The following NPAS3 variants were observed in gnomAD, a reference collection of about 807,000 sequenced individuals.
NPAS3 encodes the protein neuronal PAS domain protein 3.
A neutral mutation model predicts 73.1 loss-of-function variants in NPAS3; 14 were observed. The observed-to-expected ratio is 0.19, with a 90% CI of 0.13 to 0.30. The LOEUF (loss-of-function observed/expected upper bound fraction) is 0.30, where lower values mean the gene tolerates loss of function less well. NPAS3 is among the 10% of genes least tolerant of loss of function. The pLI is 1.00. For missense variants in NPAS3, 1,096 were observed against 1,250.0 expected (o/e 0.88, Z 1.86); for synonymous variants, 620 against 541.5 (o/e 1.14, Z -2.01).
intron 5 of NPAS3, among the ~76,000 whole-genome samples, chr14:33,665,859 G>A (rs1420911549): frequency 1.3e-5 from 2 of 149,012 alleles, no homozygotes; most frequent in Non-Finnish European, 3.0e-5. Context: ...CACCTACTGG[G>A]AAAAAAAAAA....
chr14:33,230,138 G>C (rs2047792802), intron 3 of NPAS3, among the ~76,000 whole-genome samples: 1 of 152,182 alleles, frequency 6.6e-6, no homozygotes, highest in Non-Finnish European at 1.5e-5. Flanking sequence ...TCAGCATTTT[G>C]AGGAAATAAA....
Position 33,541,099 on chromosome 14 carries a change from GTGT to G in NPAS3, c.469-19021_469-19019del, listed in dbSNP as rs1566985325. ...CTATTGTTGGGGTATGTTTAGAGGTGTGTGTGTGTGTGTGTGTGTGTGTGTGTG... is the reference window on the plus strand; with the variant it reads ...CTATTGTTGGGGTATGTTTAGAGGTGGTGTGTGTGTGTGTGTGTGTGTGTG... On this transcript the variant is annotated intron_variant, in intron 4 of 11. Transcript: ENST00000356141. Among the ~76,000 whole-genome samples the G allele has an allele frequency of 9.4e-3, 1,403 of 148,604 alleles. 21 individuals carry two copies. The highest frequency in any genetic ancestry group is 0.032 in the African/African-American group (1,318 of 40,782).
chr14:33,351,382 C>G (rs530763586), intron 3 of NPAS3, among the ~76,000 whole-genome samples: 1 of 152,260 alleles, frequency 6.6e-6, no homozygotes, highest in Admixed American at 6.5e-5. Flanking sequence ...TACTCTGTAT[C>G]CTCCTTGGAA....
intron 6 of NPAS3, among the ~76,000 whole-genome samples, chr14:33,708,451 T>C (rs752497302): frequency 2.0e-5 from 3 of 152,128 alleles, no homozygotes; most frequent in Non-Finnish European, 4.4e-5. Flanking sequence ...GGGCAAGTGT[T>C]AAAATTATGT....
intron 7 of NPAS3, among the ~76,000 whole-genome samples, chr14:33,738,054 T>C (rs1002138255): frequency 1.2e-4 from 19 of 152,316 alleles, no homozygotes; most frequent in African/African-American, 4.6e-4. Context: ...AAAGTACCAC[T>C]TACTGAACAT....
At chr14:33,349,856 C>G (rs538563726) in intron 3 of NPAS3, among the ~76,000 whole-genome samples, 146 of 152,286 alleles carry the variant, frequency 9.6e-4, no homozygotes, top group African/African-American at 3.3e-3. Context: ...CCTTTATATC[C>G]TTTTGTACAG....
At chr14:32,975,053 A>C (rs1197997137) in intron 1 of NPAS3, among the ~76,000 whole-genome samples, 1 of 152,174 alleles carries the variant, frequency 6.6e-6, no homozygotes, top group Non-Finnish European at 1.5e-5. Context: ...TATTAGTTGA[A>C]TAGTTTTACA....
At chr14:33,204,599 C>T (rs968640234) in intron 2 of NPAS3, among the ~76,000 whole-genome samples, 4 of 151,974 alleles carry the variant, frequency 2.6e-5, no homozygotes, top group Admixed American at 6.6e-5. Flanking sequence ...ATGTGACACA[C>T]GGAAAAAGTC....
chr14:33,716,954 T>G (rs2060973942), intron 6 of NPAS3, among the ~76,000 whole-genome samples: 2 of 152,120 alleles, frequency 1.3e-5, no homozygotes, highest in African/African-American at 4.8e-5. Context: ...AAAAGTGTTG[T>G]GTTTCATTTA....
intron 4 of NPAS3, among the ~76,000 whole-genome samples, chr14:33,482,751 C>A (rs1034607495): frequency 2.0e-5 from 3 of 152,086 alleles, no homozygotes; most frequent in African/African-American, 2.4e-5. Context: ...CTTTGCCCAA[C>A]CTTCACCCCA....
At chr14:33,450,774 T>G (rs1818816584) in intron 4 of NPAS3, among the ~76,000 whole-genome samples, 1 of 152,234 alleles carries the variant, frequency 6.6e-6, no homozygotes, top group Admixed American at 6.5e-5. Context: ...TCGACTCTCT[T>G]CATCTATTGT....
At chr14:33,731,423 G>GA (rs11322471) in intron 6 of NPAS3, among the ~76,000 whole-genome samples, 7,095 of 121,550 alleles carry the variant, frequency 0.058, 419 homozygotes, top group African/African-American at 0.16. Flanking sequence ...TGTCTCATTT[G>GA]AAAAAAAAAA....
At chr14:33,075,439 G>A (rs1046174272) in intron 2 of NPAS3, among the ~76,000 whole-genome samples, 1 of 152,120 alleles carries the variant, frequency 6.6e-6, no homozygotes, top group African/African-American at 2.4e-5. Flanking sequence ...AGTTCTTCAT[G>A]ATGTTTGTTT....
intron 6 of NPAS3, among the ~76,000 whole-genome samples, chr14:33,707,399 A>C (rs1264652931): frequency 1.3e-5 from 2 of 151,908 alleles, no homozygotes; most frequent in African/African-American, 4.8e-5. Context: ...CCAACAGTGT[A>C]CTCAGCGCTG....
Position 33,480,379 on chromosome 14 carries a change from G to A in NPAS3, c.469-79742G>A, listed in dbSNP as rs2051257330. On this transcript the variant is annotated intron_variant, in intron 4 of 11. Coordinates refer to ENST00000356141, the Ensembl canonical transcript of NPAS3. ...CATGCGCTGCTATCATGGCCTTTAG[G>A]CAATCTTCCATAAGGCAAGTTACAG... 3.3e-5 allele frequency among the ~76,000 whole-genome samples: 5 copies of A among 152,124 alleles called. No homozygotes were observed. The South Asian group carries it at 6.2e-4, about 19-fold the overall frequency.
At chr14:33,108,744 C>T (rs2042799017) in intron 2 of NPAS3, among the ~76,000 whole-genome samples, 1 of 152,134 alleles carries the variant, frequency 6.6e-6, no homozygotes. Context: ...AATATCATTT[C>T]TGACAGCCTT....
At chr14:33,577,016 A>G (rs1393752810) in intron 5 of NPAS3, among the ~76,000 whole-genome samples, 1 of 152,238 alleles carries the variant, frequency 6.6e-6, no homozygotes, top group Non-Finnish European at 1.5e-5. Flanking sequence ...GCAGGACCCA[A>G]GCTCTTCAAC....
intron 5 of NPAS3, among the ~76,000 whole-genome samples, chr14:33,620,628 T>C (rs2058051441): frequency 6.6e-6 from 1 of 152,222 alleles, no homozygotes; most frequent in African/African-American, 2.4e-5. Flanking sequence ...CTCATTTTAA[T>C]TTTTAATTTG....
intron 3 of NPAS3, among the ~76,000 whole-genome samples, chr14:33,263,302 T>C (rs1280337449): frequency 6.6e-6 from 1 of 152,214 alleles, no homozygotes. Context: ...TTGTATAAGG[T>C]GTAAGGAAGG....
Sources: gnomAD v4.1 joint callset for allele counts (sites outside exome capture counted in the v4.1 genomes callset) on GRCh38, gnomAD v4.1.1 for gene constraint, MANE v1.5 for transcripts, NCBI Gene and HGNC (gene_info 2026-07-23, HGNC 2026-07-21) for gene names.